TF: variants seen among roughly 807,000 people sequenced by gnomAD.
The protein encoded by TF is transferrin.
In TF, 55 loss-of-function variants were observed where a neutral mutation model predicts 82.4. That is an observed-to-expected ratio of 0.67 (90% CI 0.54 to 0.84). The LOEUF (loss-of-function observed/expected upper bound fraction) is 0.84. Among genes scored for constraint, TF ranks in the 40% least tolerant of loss-of-function variants. The pLI, the probability that TF is intolerant of heterozygous loss-of-function variation, is 0.00. For missense variants in TF, 737 were observed against 868.4 expected, an observed-to-expected ratio of 0.85 and a Z score of 1.90; for synonymous variants, 332 against 332.6, an observed-to-expected ratio of 1.00 and a Z score of 0.02.
intron 2 of TF, among the ~76,000 whole-genome samples, chr3:133,751,382 G>A (rs8177207): frequency 0.012 from 1,795 of 151,854 alleles, 36 homozygotes; most frequent in African/African-American, 0.041. Context: ...ACAGGCGCGC[G>A]CCACCATGCC....
chr3:133,754,463 G>A (rs377427556), intron 3 of TF, 32 bp from the exon 4 acceptor site: 33 of 1,612,294 alleles, frequency 2.0e-5, no homozygotes, highest in Non-Finnish European at 2.6e-5. Flanking sequence ...GCACCAGGCT[G>A]AGGGCCTTCC....
the TF span, among the ~76,000 whole-genome samples, chr3:133,709,238 A>G: frequency 6.6e-6 from 1 of 152,206 alleles, no homozygotes; most frequent in African/African-American, 2.4e-5. Flanking sequence ...AAAGACCTCT[A>G]TGTGACTTCC....
chr3:133,672,218 A>T, the TF span, among the ~76,000 whole-genome samples: 33 of 152,314 alleles, frequency 2.2e-4, 1 homozygote, highest in African/African-American at 6.0e-4. Flanking sequence ...TCAATCTGTT[A>T]TCAAAAACTT....
Position 133,775,488 on chromosome 3 carries a change from G to A in TF, c.1743G>A (p.Leu581=), listed in dbSNP as rs548264162. The change falls in exon 15 of 17, where the codon CTG becomes CTA. Residue 581 remains leucine (L), a synonymous_variant. Coordinates refer to ENST00000402696, the MANE Select transcript of TF (RefSeq NM_001063.4). ...TGAATGAAAAAGACTATGAGTTGCT[G>A]TGCCTTGATGGTACCAGGAAACCTG... ...KNLNEKDYEL[L]CLDGTRKPVE... is the part of the protein sequence containing the mutation. 1.9e-6 allele frequency: 3 copies of A among 1,614,202 alleles called. No homozygotes were observed. The highest frequency in any genetic ancestry group is 2.2e-5 in the East Asian group (1 of 44,878).
chr3:133,728,552 C>T, the TF span, among the ~76,000 whole-genome samples: 12 of 152,280 alleles, frequency 7.9e-5, no homozygotes, highest in South Asian at 4.1e-4. Flanking sequence ...GTTATACATT[C>T]GTCTAAATTT....
the TF span, among the ~76,000 whole-genome samples, chr3:133,671,805 A>T: frequency 6.6e-6 from 1 of 151,566 alleles, no homozygotes; most frequent in East Asian, 1.9e-4. Context: ...GAAAAAAAAA[A>T]AAAAAGAAGA....
intron 14 of TF, chr3:133,774,068 A>C (rs906998210): frequency 2.6e-5 from 4 of 152,212 alleles, no homozygotes; most frequent in African/African-American, 7.2e-5. Context: ...TTGAGCTCAC[A>C]CAGCATCTAG....
chr3:133,767,881 C>T (rs1576364770), intron 12 of TF, 148 bp from the exon 13 acceptor site: 1 of 945,656 alleles, frequency 1.1e-6, no homozygotes, highest in East Asian at 2.4e-5. Flanking sequence ...AAGCCTATAG[C>T]CTGGCAAGTC....
the TF span, among the ~76,000 whole-genome samples, chr3:133,736,597 A>G: frequency 0.57 from 77,908 of 136,712 alleles, 22,816 homozygotes; most frequent in East Asian, 0.75. Flanking sequence ...CAAAATAAAG[A>G]GATAGAAGAA....
the TF span, among the ~76,000 whole-genome samples, chr3:133,685,577 A>G: frequency 6.6e-6 from 1 of 152,208 alleles, no homozygotes; most frequent in Non-Finnish European, 1.5e-5. Flanking sequence ...CAGAGAGCCA[A>G]ATCATGAGTG....
the TF span, among the ~76,000 whole-genome samples, chr3:133,688,031 A>G: frequency 1.3e-5 from 2 of 152,312 alleles, no homozygotes; most frequent in East Asian, 3.9e-4. Context: ...GGGGTGGGGT[A>G]GAATCAAAGA....
chr3:133,665,418 G>A, the TF span, among the ~76,000 whole-genome samples: 2 of 146,602 alleles, frequency 1.4e-5, no homozygotes, highest in Non-Finnish European at 3.0e-5. Flanking sequence ...GGTGAGTCAT[G>A]ATCATGCCAC....
At position 133,764,880 on chromosome 3, in the gene TF, G is replaced by C. The variant is rs201067725; in HGVS notation, c.1303G>C (p.Asp435His). Residue 435 changes from aspartate to histidine, a missense_variant, in exon 11 of 17, where the codon GAT (aspartate) becomes CAT (histidine). Physicochemically the swap from Asp to His is moderately conservative, Grantham distance 81 (BLOSUM62 -1). Transcript: ENST00000402696. ...PVLAENYNKSDNCEDTPEAGY... is the reference protein window; with the variant it reads ...PVLAENYNKSHNCEDTPEAGY... ...CATTTTCTTTTCTCCTGCAGAGAGCGATAATTGTGAGGATACACCAGAGGC... is the reference window on the plus strand; with the variant it reads ...CATTTTCTTTTCTCCTGCAGAGAGCCATAATTGTGAGGATACACCAGAGGC... 3 of 1,613,884 alleles carry C rather than the reference G, an allele frequency of 1.9e-6. No homozygotes were observed. Among genetic ancestry groups the C allele is most frequent in the Non-Finnish European group, 2.5e-6 (3 of 1,179,890 alleles).
intron 5 of TF, 56 bp from the exon 6 acceptor site, chr3:133,756,226 G>A: frequency 1.3e-6 from 2 of 1,544,664 alleles, no homozygotes; most frequent in South Asian, 2.3e-5. Flanking sequence ...GACTCTCCAG[G>A]TGCAGGAGAA....
At position 133,796,619 on chromosome 3, in the gene TF, A is replaced by G. The variant is rs1934978584; in HGVS notation, c.*17999A>G. On this transcript the variant is annotated 3_prime_UTR_variant, in exon 17 of 17. Transcript: ENST00000402696. ...TGTGGAGTGTACTTTTGTTTTCAAT[A>G]AACCTCTGCTTTTGTTGCTTCATTC... The G allele has an allele frequency of 6.6e-6, 1 of 152,188 alleles. No individual in the cohort carries two copies. The highest frequency in any genetic ancestry group is 2.1e-4 in the South Asian group (1 of 4,830). 9.4% of individuals were successfully genotyped at this position (152,188 alleles called of 1,614,324 possible). A position where few individuals can be genotyped will look rare whatever the true frequency, so the allele number is the denominator to read the frequency against.
the TF span, among the ~76,000 whole-genome samples, chr3:133,698,243 G>T: frequency 2.0e-5 from 3 of 152,156 alleles, no homozygotes; most frequent in Admixed American, 1.3e-4. Flanking sequence ...TTCTTTCATT[G>T]CTTCATTCTG....
At chr3:133,706,261 T>C in the TF span, among the ~76,000 whole-genome samples, 1 of 152,224 alleles carries the variant, frequency 6.6e-6, no homozygotes, top group African/African-American at 2.4e-5. Context: ...AGGAGATTCA[T>C]AGATGCTGAT....
At chr3:133,764,828 C>G in intron 10 of TF, 47 bp from the exon 11 acceptor site, 4 of 1,589,724 alleles carry the variant, frequency 2.5e-6, no homozygotes, top group Non-Finnish European at 3.4e-6. Context: ...GTTTCCCAAT[C>G]TATAAATCAG....
At chr3:133,695,217 G>T in the TF span, among the ~76,000 whole-genome samples, 4 of 151,226 alleles carry the variant, frequency 2.6e-5, no homozygotes, top group African/African-American at 9.7e-5. Context: ...GGATGGTGTG[G>T]ACCCCACCCT....
Sources: gnomAD v4.1 joint callset for allele counts (sites outside exome capture counted in the v4.1 genomes callset) on GRCh38, gnomAD v4.1.1 for gene constraint, MANE v1.5 for transcripts, NCBI Gene and HGNC (gene_info 2026-07-23, HGNC 2026-07-21) for gene names.